LRRC4C: variants seen among roughly 807,000 people sequenced by gnomAD.
LRRC4C encodes the protein leucine-rich repeat-containing protein 4C.
A neutral mutation model predicts 33.6 loss-of-function variants in LRRC4C; 5 were observed. The observed-to-expected ratio is 0.15, with a 90% CI of 0.08 to 0.31. LRRC4C has a LOEUF of 0.31. LRRC4C is among the 10% of genes least tolerant of loss of function. LRRC4C has a pLI of 1.00. For synonymous variants in LRRC4C, 329 were observed against 302.0 expected, an observed-to-expected ratio of 1.09 and a Z score of -0.93; for missense variants, 560 against 796.7, an observed-to-expected ratio of 0.70 and a Z score of 3.58.
Position 41,190,573 on chromosome 11 carries a change from G to GT in LRRC4C, c.-495-256851dup, listed in dbSNP as rs541011298. On this transcript the variant is annotated intron_variant, in intron 1 of 6. Coordinates refer to ENST00000528697, the MANE Select transcript of LRRC4C (RefSeq NM_001258419.2). ...CTGCATTTATCACGGTCAGAGAACT[G>GT]TGCACATAGATTACCCAGTCCTCAC... Among the ~76,000 whole-genome samples, 56 of 152,244 alleles carry GT rather than the reference G, an allele frequency of 3.7e-4. 2 individuals carry two copies. The South Asian group carries it at 0.011, about 30-fold the overall frequency.
At chr11:41,150,349 A>G (rs2135961020) in intron 1 of LRRC4C, among the ~76,000 whole-genome samples, 1 of 152,352 alleles carries the variant, frequency 6.6e-6, no homozygotes, top group East Asian at 1.9e-4. Flanking sequence ...CATTTCATTT[A>G]TTAGAAAGTG....
chr11:41,125,651 T>A (rs1450903785), intron 1 of LRRC4C, among the ~76,000 whole-genome samples: 1 of 152,170 alleles, frequency 6.6e-6, no homozygotes, highest in Non-Finnish European at 1.5e-5. Context: ...CAAGGTAGAT[T>A]TTGTTCATCC....
chr11:41,242,408 G>A (rs904386145), intron 1 of LRRC4C, among the ~76,000 whole-genome samples: 1 of 152,140 alleles, frequency 6.6e-6, no homozygotes, highest in African/African-American at 2.4e-5. Context: ...CAGGCATGCA[G>A]TGGGTCAGCA....
At chr11:40,188,423 C>T (rs1190475340) in intron 5 of LRRC4C, among the ~76,000 whole-genome samples, 1 of 152,190 alleles carries the variant, frequency 6.6e-6, no homozygotes, top group African/African-American at 2.4e-5. Flanking sequence ...AATGTTTGTT[C>T]ACAGAGCTCC....
intron 4 of LRRC4C, among the ~76,000 whole-genome samples, chr11:40,266,875 T>C (rs1188690080): frequency 6.6e-6 from 1 of 152,022 alleles, no homozygotes; most frequent in East Asian, 1.9e-4. Flanking sequence ...CTCACACTGG[T>C]TGACATAAAA....
chr11:40,515,948 G>C lies in LRRC4C; in HGVS notation c.-270+132194C>G, dbSNP rs894277556. On this transcript the variant is annotated intron_variant, in intron 3 of 6. Coordinates refer to ENST00000528697, the MANE Select transcript of LRRC4C (RefSeq NM_001258419.2). ...CCTTTTATTTTATGATAGTGCATAT[G>C]AGAATAATCTTGTTAACTCAGACCC... Among the ~76,000 whole-genome samples, 6 of 152,112 alleles carry C rather than the reference G, an allele frequency of 3.9e-5. 1 individual carries two copies. Among genetic ancestry groups the C allele is most frequent in the African/African-American group, 1.4e-4 (6 of 41,538 alleles).
At chr11:41,037,130 T>C (rs545165437) in intron 1 of LRRC4C, among the ~76,000 whole-genome samples, 1 of 144,718 alleles carries the variant, frequency 6.9e-6, no homozygotes, top group South Asian at 2.4e-4. Flanking sequence ...AAAGGCTTTT[T>C]TCTCTCAGGT....
chr11:40,640,744 A>G (rs777341205), intron 3 of LRRC4C, among the ~76,000 whole-genome samples: 2 of 152,106 alleles, frequency 1.3e-5, no homozygotes, highest in African/African-American at 2.4e-5. Context: ...GCCAGGCGCC[A>G]TGGCTCACGC....
At chr11:41,198,589 C>A (rs1287990453) in intron 1 of LRRC4C, among the ~76,000 whole-genome samples, 1 of 150,198 alleles carries the variant, frequency 6.7e-6, no homozygotes, top group Non-Finnish European at 1.5e-5. Context: ...TCCAAATGAG[C>A]CCTTCTGACA....
intron 1 of LRRC4C, among the ~76,000 whole-genome samples, chr11:40,949,014 T>C (rs1019688329): frequency 4.3e-4 from 65 of 152,052 alleles, no homozygotes; most frequent in Non-Finnish European, 5.1e-4. Context: ...TTTCTCCACA[T>C]CCTCTCCAGC....
chr11:40,973,560 G>A (rs1432238862), intron 1 of LRRC4C, among the ~76,000 whole-genome samples: 1 of 152,162 alleles, frequency 6.6e-6, no homozygotes, highest in Admixed American at 6.5e-5. Context: ...AAAGCCACTG[G>A]AGCTGGCCCA....
At chr11:41,399,730 C>T (rs1225898029) in intron 1 of LRRC4C, among the ~76,000 whole-genome samples, 2 of 151,820 alleles carry the variant, frequency 1.3e-5, no homozygotes, top group African/African-American at 4.8e-5. Context: ...TGGTATCTGC[C>T]AATTTGATGT....
At chr11:40,510,592 C>T (rs1955264881) in intron 3 of LRRC4C, among the ~76,000 whole-genome samples, 2 of 152,092 alleles carry the variant, frequency 1.3e-5, no homozygotes, top group South Asian at 4.1e-4. Flanking sequence ...AAGAAAATTA[C>T]AGGTTCCTCT....
chr11:40,231,886 G>A (rs890659863), intron 5 of LRRC4C, among the ~76,000 whole-genome samples: 1 of 151,976 alleles, frequency 6.6e-6, no homozygotes, highest in Admixed American at 6.6e-5. Context: ...TTTATTTTTA[G>A]TTCTGGGGTA....
intron 4 of LRRC4C, among the ~76,000 whole-genome samples, chr11:40,298,756 G>A (rs1401854375): frequency 6.6e-6 from 1 of 152,086 alleles, no homozygotes; most frequent in South Asian, 2.1e-4. Flanking sequence ...GAGGCCTCAG[G>A]AAACTTACAA....
chr11:41,097,319 T>A (rs1175904484), intron 1 of LRRC4C, among the ~76,000 whole-genome samples: 1 of 152,178 alleles, frequency 6.6e-6, no homozygotes, highest in Non-Finnish European at 1.5e-5. Flanking sequence ...GTGTTGTTGA[T>A]TGTCCTCTGG....
intron 3 of LRRC4C, among the ~76,000 whole-genome samples, chr11:40,566,257 T>C (rs1309610428): frequency 2.0e-5 from 3 of 151,928 alleles, no homozygotes; most frequent in Non-Finnish European, 4.4e-5. Context: ...GTAATCCTTC[T>C]GCATATCACC....
intron 3 of LRRC4C, among the ~76,000 whole-genome samples, chr11:40,559,587 T>C (rs1957467766): frequency 6.6e-6 from 1 of 152,172 alleles, no homozygotes; most frequent in African/African-American, 2.4e-5. Context: ...CTTTGAGGAA[T>C]CACCAAACGG....
intron 3 of LRRC4C, among the ~76,000 whole-genome samples, chr11:40,599,522 C>A (rs1355416345): frequency 6.6e-6 from 1 of 152,104 alleles, no homozygotes; most frequent in Non-Finnish European, 1.5e-5. Context: ...TATCCTGTCT[C>A]ATTTTTTGAC....
Sources: gnomAD v4.1 joint callset for allele counts (sites outside exome capture counted in the v4.1 genomes callset) on GRCh38, gnomAD v4.1.1 for gene constraint, MANE v1.5 for transcripts, NCBI Gene and HGNC (gene_info 2026-07-23, HGNC 2026-07-21) for gene names.